MAPT: variants seen among roughly 807,000 people sequenced by gnomAD.
MAPT encodes the protein microtubule associated protein tau.
In MAPT, 34 loss-of-function variants were observed where a neutral mutation model predicts 67.9. The ratio of observed to expected loss-of-function variants is 0.50; its 90% CI spans 0.38 to 0.67. The LOEUF is 0.67. MAPT is among the 30% of genes least tolerant of loss of function. The pLI is 0.00. For synonymous variants in MAPT, 456 were observed against 464.5 expected (o/e 0.98, Z 0.23); for missense variants, 881 against 1,115.2 (o/e 0.79, Z 2.99).
chr17:45,965,957 A>G (rs1174123812), intron 2 of MAPT, among the ~76,000 whole-genome samples: 2 of 152,194 alleles, frequency 1.3e-5, no homozygotes, highest in East Asian at 1.9e-4. Context: ...GAGCAGGTCC[A>G]TGGCTGCAGC....
chr17:46,023,745 G>T (rs1598424399), intron 12 of MAPT, among the ~76,000 whole-genome samples: 2 of 152,228 alleles, frequency 1.3e-5, no homozygotes, highest in Admixed American at 1.3e-4. Flanking sequence ...GGAGGCTGAG[G>T]TGGGAGAATC....
chr17:45,903,818 A>G (rs1169164568), intron 1 of MAPT, among the ~76,000 whole-genome samples: 4 of 10,968 alleles, frequency 3.6e-4, no homozygotes, highest in South Asian at 2.9e-3. Context: ...TATAATATAT[A>G]AATATATTAT....
At chr17:45,917,283 G>A (rs185456584) in intron 1 of MAPT, among the ~76,000 whole-genome samples, 4 of 152,320 alleles carry the variant, frequency 2.6e-5, no homozygotes, top group Admixed American at 2.6e-4. Flanking sequence ...AGTAACCAAC[G>A]CTAAGGTCGA....
chr17:45,995,656 C>T lies in MAPT; in HGVS notation c.1733-743C>T, dbSNP rs1049191218. 1.3e-5 allele frequency among the ~76,000 whole-genome samples: 2 copies of T among 152,098 alleles called. No homozygotes were observed. Among genetic ancestry groups the T allele is most frequent in the Admixed American group, 1.3e-4 (2 of 15,274 alleles). ...CAGCTTCCAGGGTGTTGGAAGGGTG[C>T]GCTAGTAACTGCTATGCATGGCAGG... is the stretch of plus-strand genomic sequence containing the variant. On this transcript the variant is annotated intron_variant, in intron 8 of 12. Transcript: ENST00000262410. This position sits in a 1 kb window ranked among gnomAD's most constrained non-coding sequence, Gnocchi z 4.3.
intron 1 of MAPT, 37 bp from the exon 2 acceptor site, chr17:45,962,284 A>G (rs925103059): frequency 1.9e-6 from 3 of 1,580,312 alleles, no homozygotes; most frequent in African/African-American, 2.7e-5. Flanking sequence ...GCCCCCCAAC[A>G]CTCCTCAGAA....
chr17:45,916,132 G>A (rs1171001191), intron 1 of MAPT, among the ~76,000 whole-genome samples: 2 of 152,190 alleles, frequency 1.3e-5, no homozygotes, highest in Non-Finnish European at 2.9e-5. Flanking sequence ...GACTGAGAGC[G>A]CAGCCCCAGG....
At chr17:45,937,961 A>G (rs2067502289) in intron 1 of MAPT, among the ~76,000 whole-genome samples, 1 of 152,192 alleles carries the variant, frequency 6.6e-6, no homozygotes, top group African/African-American at 2.4e-5. Context: ...TGGGGGACCA[A>G]GGGTGGTAAA....
At position 45,989,970 on chromosome 17, in the gene MAPT, ACCC is replaced by A. The variant is rs777681272; in HGVS notation, c.1501_1503del (p.Pro501del). The A allele has an allele frequency of 6.1e-5, 99 of 1,614,072 alleles. No homozygotes were observed. The highest frequency in any genetic ancestry group is 8.0e-5 in the Non-Finnish European group (94 of 1,180,008). Reference sequence around the variant, plus strand: ...CTGGTAGCTCAGACCCTCTGATCCAACCCTCCAGCCCTGCTGTGTGCCCAGAGC... The same window carrying A: ...CTGGTAGCTCAGACCCTCTGATCCAATCCAGCCCTGCTGTGTGCCCAGAGC... On this transcript the variant is annotated inframe_deletion, in exon 7 of 13. Transcript: ENST00000262410.
intron 1 of MAPT, among the ~76,000 whole-genome samples, chr17:45,932,988 A>G (rs2066982170): frequency 6.6e-6 from 1 of 152,188 alleles, no homozygotes. Context: ...AGGGTGAGGC[A>G]GGAGAATCTC....
intron 1 of MAPT, among the ~76,000 whole-genome samples, chr17:45,931,370 T>C (rs1398021609): frequency 6.6e-6 from 1 of 152,194 alleles, no homozygotes; most frequent in African/African-American, 2.4e-5. Context: ...GTACATATAA[T>C]TGCACCAGGA....
chr17:45,967,179 G>A, intron 2 of MAPT, among the ~76,000 whole-genome samples: 1 of 152,268 alleles, frequency 6.6e-6, no homozygotes, highest in East Asian at 1.9e-4. Context: ...GATGAAAGTT[G>A]GTTACCTATA....
intron 1 of MAPT, among the ~76,000 whole-genome samples, chr17:45,943,778 G>A (rs2068209693): frequency 6.6e-6 from 1 of 152,182 alleles, no homozygotes; most frequent in African/African-American, 2.4e-5. Flanking sequence ...GTGCTTGCCT[G>A]TCACATTGTG....
intron 1 of MAPT, among the ~76,000 whole-genome samples, chr17:45,947,369 A>G (rs1381258833): frequency 2.0e-5 from 3 of 147,466 alleles, no homozygotes; most frequent in African/African-American, 7.5e-5. Context: ...AAGCCTCCTC[A>G]TCTCTTTCTT....
intron 1 of MAPT, among the ~76,000 whole-genome samples, chr17:45,953,920 A>G (rs2069338486): frequency 6.6e-6 from 1 of 152,160 alleles, no homozygotes; most frequent in Non-Finnish European, 1.5e-5. Flanking sequence ...GCTGAGGAAA[A>G]CCCAACATGA....
intron 11 of MAPT, among the ~76,000 whole-genome samples, chr17:46,017,713 C>T: frequency 6.8e-6 from 1 of 147,354 alleles, no homozygotes; most frequent in South Asian, 2.3e-4. Context: ...CCTGCCTCGG[C>T]CTCCCAAAGT....
chr17:45,975,426 C>T (rs1448701886), intron 3 of MAPT: 1 of 152,232 alleles, frequency 6.6e-6, no homozygotes, highest in Non-Finnish European at 1.5e-5. Flanking sequence ...GAGTGCATTT[C>T]TGCTTTGTGA....
At chr17:45,989,563 A>G (rs1430770985) in intron 6 of MAPT, among the ~76,000 whole-genome samples, 1 of 152,226 alleles carries the variant, frequency 6.6e-6, no homozygotes. Context: ...AGGCAGGAGA[A>G]TGGCGTGAAC....
chr17:46,019,188 A>G (rs561347314), intron 12 of MAPT, among the ~76,000 whole-genome samples: 102 of 152,282 alleles, frequency 6.7e-4, no homozygotes, highest in African/African-American at 2.3e-3. Context: ...TTACATGGCG[A>G]CAGGCAAGAG....
At chr17:45,989,803 C>A in intron 6 of MAPT, 75 bp from the exon 7 acceptor site, 1 of 1,325,666 alleles carries the variant, frequency 7.5e-7, no homozygotes, top group Non-Finnish European at 1.1e-6. Flanking sequence ...TTTTTAGTTA[C>A]TGTCCTTTTT....
Sources: gnomAD v4.1 joint callset for allele counts (sites outside exome capture counted in the v4.1 genomes callset) on GRCh38, gnomAD v4.1.1 for gene constraint, Gnocchi (gnomAD v3.1) non-coding constraint, MANE v1.5 for transcripts, NCBI Gene and HGNC (gene_info 2026-07-23, HGNC 2026-07-21) for gene names.